FHIT: variants seen among roughly 807,000 people sequenced by gnomAD.
FHIT encodes bis(5'-adenosyl)-triphosphatase.
FHIT carries 19 observed loss-of-function variants against 17.9 expected under a neutral mutation model. The ratio of observed to expected loss-of-function variants is 1.06; its 90% CI spans 0.74 to 1.56. The LOEUF (loss-of-function observed/expected upper bound fraction) is 1.56. FHIT is among the 40% of genes most tolerant of loss of function. FHIT has a pLI of 0.00. For synonymous variants in FHIT, 81 were observed against 69.7 expected, an observed-to-expected ratio of 1.16 and a Z score of -0.81; for missense variants, 248 against 189.2, an observed-to-expected ratio of 1.31 and a Z score of -1.82.
chr3:60,449,811 T>C (rs2031599091), intron 5 of FHIT, among the ~76,000 whole-genome samples: 1 of 151,968 alleles, frequency 6.6e-6, no homozygotes, highest in Non-Finnish European at 1.5e-5. Context: ...AAGACCATCC[T>C]GGCCAATATG....
chr3:60,301,188 T>C (rs1708446573), intron 5 of FHIT, among the ~76,000 whole-genome samples: 2 of 152,256 alleles, frequency 1.3e-5, no homozygotes, highest in East Asian at 1.9e-4. Flanking sequence ...AATACCTTTA[T>C]AGTCAACAAG....
intron 5 of FHIT, among the ~76,000 whole-genome samples, chr3:60,145,053 C>G (rs973573261): frequency 3.3e-5 from 5 of 152,080 alleles, no homozygotes; most frequent in Non-Finnish European, 7.4e-5. Context: ...AGGTTTATTC[C>G]AAAGACTTTG....
At chr3:59,801,317 T>C (rs1443061844) in intron 8 of FHIT, among the ~76,000 whole-genome samples, 3 of 149,306 alleles carry the variant, frequency 2.0e-5, no homozygotes, top group African/African-American at 5.2e-5. Flanking sequence ...GCTTTCATTT[T>C]TGTACTTTGC....
intron 3 of FHIT, among the ~76,000 whole-genome samples, chr3:60,863,508 G>GA (rs1157933088): frequency 7.2e-5 from 11 of 152,194 alleles, no homozygotes; most frequent in Non-Finnish European, 2.9e-5. Context: ...AAGGGTTTAA[G>GA]AAAATAGGTA....
intron 8 of FHIT, among the ~76,000 whole-genome samples, chr3:59,901,250 A>C (rs1177458834): frequency 6.6e-6 from 1 of 152,222 alleles, no homozygotes; most frequent in Non-Finnish European, 1.5e-5. Flanking sequence ...GAAAGATTCT[A>C]GGTTTTAAAA....
chr3:60,595,389 A>G (rs1553665897), intron 4 of FHIT, among the ~76,000 whole-genome samples: 3 of 147,848 alleles, frequency 2.0e-5, no homozygotes. Flanking sequence ...TTTTTTTTAT[A>G]CTTGGCTCCT....
chr3:60,732,928 G>A (rs564590059), intron 4 of FHIT, among the ~76,000 whole-genome samples: 95 of 152,018 alleles, frequency 6.2e-4, no homozygotes, highest in Non-Finnish European at 1.1e-3. Flanking sequence ...TCAGGTGATC[G>A]GCCCACCTCG....
At chr3:59,937,615 C>T (rs1248807574) in intron 7 of FHIT, among the ~76,000 whole-genome samples, 1 of 152,148 alleles carries the variant, frequency 6.6e-6, no homozygotes, top group Non-Finnish European at 1.5e-5. Context: ...GTGAAGCTCT[C>T]CTTCTCCCAC....
chr3:61,245,286 G>C (rs571589351), intron 1 of FHIT, among the ~76,000 whole-genome samples: 1 of 152,014 alleles, frequency 6.6e-6, no homozygotes, highest in African/African-American at 2.4e-5. Flanking sequence ...AGAAATTATC[G>C]CCCCCATTTC....
At chr3:60,494,535 C>A (rs566682002) in intron 5 of FHIT, among the ~76,000 whole-genome samples, 1 of 151,888 alleles carries the variant, frequency 6.6e-6, no homozygotes, top group Non-Finnish European at 1.5e-5. Flanking sequence ...ACAGTCACTC[C>A]GTTGCGCTAT....
intron 5 of FHIT, among the ~76,000 whole-genome samples, chr3:60,470,808 G>A (rs1389848788): frequency 6.6e-6 from 1 of 152,130 alleles, no homozygotes; most frequent in Non-Finnish European, 1.5e-5. Context: ...CCACAGCTGG[G>A]AATGTGCTGT....
intron 8 of FHIT, among the ~76,000 whole-genome samples, chr3:59,890,412 C>T (rs1178186464): frequency 1.3e-5 from 2 of 152,032 alleles, no homozygotes; most frequent in African/African-American, 4.8e-5. Context: ...AAGGGCTGCC[C>T]GTGAAACTTC....
In FHIT at chr3:60,375,387, G is replaced by T. The variant is rs371485379; in HGVS notation, c.103+161473C>A. 1.0e-3 allele frequency among the ~76,000 whole-genome samples: 143 copies of T among 141,644 alleles called. 1 individual carries two copies. The highest frequency in any genetic ancestry group is 3.5e-3 in the African/African-American group (130 of 37,208). 92.9% of individuals were successfully genotyped at this position (141,644 alleles called of 152,430 possible). On this transcript the variant is annotated intron_variant, in intron 5 of 9. Coordinates refer to ENST00000492590, the MANE Select transcript of FHIT (RefSeq NM_002012.4). ...AGTTCGAGACTACCCTGGGCAACAA[G>T]GAAAAACCCCATCTCTACTTTAAAA...
intron 5 of FHIT, among the ~76,000 whole-genome samples, chr3:60,421,187 T>C (rs1262946358): frequency 1.3e-5 from 2 of 152,090 alleles, no homozygotes; most frequent in Non-Finnish European, 2.9e-5. Flanking sequence ...CATCTTTGCT[T>C]TATGGCTTGA....
At chr3:60,344,177 T>C (rs955175174) in intron 5 of FHIT, among the ~76,000 whole-genome samples, 1 of 152,140 alleles carries the variant, frequency 6.6e-6, no homozygotes, top group African/African-American at 2.4e-5. Context: ...GTGAAGTGTA[T>C]TTTCTATATT....
At chr3:61,199,525 A>C (rs2038953935) in intron 2 of FHIT, among the ~76,000 whole-genome samples, 1 of 148,050 alleles carries the variant, frequency 6.8e-6, no homozygotes, top group African/African-American at 2.5e-5. Context: ...CCCAAAGCAA[A>C]TCCTAAGAAA....
At chr3:60,269,883 C>T (rs537653089) in intron 5 of FHIT, among the ~76,000 whole-genome samples, 1 of 152,308 alleles carries the variant, frequency 6.6e-6, no homozygotes, top group Non-Finnish European at 1.5e-5. Flanking sequence ...TGGGGAGTTA[C>T]ACCCCTATGG....
intron 7 of FHIT, among the ~76,000 whole-genome samples, chr3:59,948,442 G>C (rs1706942976): frequency 6.6e-6 from 1 of 151,770 alleles, no homozygotes; most frequent in Non-Finnish European, 1.5e-5. Flanking sequence ...GCTTGAATTT[G>C]GGAGGTGGAG....
Position 60,616,378 on chromosome 3 carries a change from G to T in FHIT, c.-17-79399C>A, listed in dbSNP as rs1203258102. 2.0e-5 allele frequency among the ~76,000 whole-genome samples: 3 copies of T among 152,300 alleles called. No individual in the cohort carries two copies. The East Asian group carries it at 5.8e-4, about 29-fold the overall frequency. On this transcript the variant is annotated intron_variant, in intron 4 of 9. Coordinates refer to ENST00000492590, the MANE Select transcript of FHIT (RefSeq NM_002012.4). Reference sequence around the variant, plus strand: ...TATTTCATCACATTTTAATGATTATGATGTGCACAGGTGTGCTGAAAGTTT... The same window carrying T: ...TATTTCATCACATTTTAATGATTATTATGTGCACAGGTGTGCTGAAAGTTT...
Sources: gnomAD v4.1 joint callset for allele counts (sites outside exome capture counted in the v4.1 genomes callset) on GRCh38, gnomAD v4.1.1 for gene constraint, MANE v1.5 for transcripts, NCBI Gene and HGNC (gene_info 2026-07-23, HGNC 2026-07-21) for gene names.